HEY2: variants seen among roughly 807,000 people sequenced by gnomAD.
HEY2 encodes hairy/enhancer-of-split related with YRPW motif protein 2.
A neutral mutation model predicts 18.1 loss-of-function variants in HEY2; 10 were observed. The observed-to-expected ratio is 0.55, with a 90% CI of 0.34 to 0.94. The LOEUF (loss-of-function observed/expected upper bound fraction) is 0.94, where lower values mean the gene tolerates loss of function less well. Ranked by LOEUF, HEY2 falls within the 40% of genes least tolerant of loss-of-function variation. The probability of loss-of-function intolerance (pLI) is 0.02; values close to 1 mark genes in which losing one functional copy is unlikely to be tolerated. For missense variants in HEY2, 455 were observed against 455.9 expected, an observed-to-expected ratio of 1.00 and a Z score of 0.02; for synonymous variants, 210 against 182.7, an observed-to-expected ratio of 1.15 and a Z score of -1.21.
At chr6:125,750,590 CAA>C (rs1184945078) in intron 1 of HEY2, among the ~76,000 whole-genome samples, 1 of 152,192 alleles carries the variant, frequency 6.6e-6, no homozygotes, top group Non-Finnish European at 1.5e-5. Context: ...AGCTGTCACT[CAA>C]AGAGGGAAAT....
intron 1 of HEY2, chr6:125,750,315 A>G (rs1272471599): frequency 2.1e-5 from 21 of 985,222 alleles, no homozygotes; most frequent in South Asian, 1.9e-4. Flanking sequence ...TGCGATGTCA[A>G]GGCTACGTAG....
chr6:125,750,323 T>C (rs1409420476), intron 1 of HEY2: 2 of 985,260 alleles, frequency 2.0e-6, no homozygotes, highest in African/African-American at 3.5e-5. Context: ...CAAGGCTACG[T>C]AGGTTGAACT....
intron 4 of HEY2, 91 bp downstream of exon 4, chr6:125,754,637 C>A: frequency 1.6e-6 from 1 of 617,104 alleles, no homozygotes; most frequent in Non-Finnish European, 2.7e-6. Flanking sequence ...GAAGTCATAG[C>A]TGAACAGTTC....
intron 3 of HEY2, among the ~76,000 whole-genome samples, chr6:125,753,432 C>T (rs1773589976): frequency 6.6e-6 from 1 of 152,034 alleles, no homozygotes; most frequent in Admixed American, 6.5e-5. Context: ...TGAGTTGGCC[C>T]TGTCACAATA....
At position 125,754,557 on chromosome 6, in the gene HEY2, G is replaced by A. The variant is rs754599347; in HGVS notation, c.328+11G>A. 42 of 1,419,640 alleles carry A rather than the reference G, an allele frequency of 3.0e-5. No individual in the cohort carries two copies. The highest frequency in any genetic ancestry group is 4.8e-5 in the African/African-American group (3 of 62,828). The allele number at this position is 1,419,640 out of a possible 1,614,324, so 87.9% of individuals were successfully genotyped here. A position where few individuals can be genotyped will look rare whatever the true frequency, so the allele number is the denominator to read the frequency against. On this transcript the variant is annotated intron_variant, in intron 4 of 4. Coordinates refer to ENST00000368364, the MANE Select transcript of HEY2 (RefSeq NM_012259.3). Reference sequence around the variant, plus strand: ...CAACAGGGGGTAAAGGTAAGTAGATGACTTCATTTTTTTTTTTTTTTGCCT... The same window carrying A: ...CAACAGGGGGTAAAGGTAAGTAGATAACTTCATTTTTTTTTTTTTTTGCCT...
intron 4 of HEY2, 35 bp downstream of exon 4, chr6:125,754,581 C>CT: frequency 9.8e-7 from 1 of 1,023,026 alleles, no homozygotes; most frequent in Non-Finnish European, 1.4e-6. Flanking sequence ...TTTTTTTTGC[C>CT]TTTTTTACCT....
Position 125,759,469 on chromosome 6 carries a change from C to T in HEY2, c.681C>T (p.Leu227=). 2 of 1,611,656 alleles carry T rather than the reference C, an allele frequency of 1.2e-6. No homozygotes were observed. Among genetic ancestry groups the T allele is most frequent in the Non-Finnish European group, 1.7e-6 (2 of 1,179,986 alleles). ...EVPPAHGSAL[L]TATFAHADSA... Reference sequence around the variant, plus strand: ...CTCCTGCCCACGGCTCTGCTCTCCTCACGGCCACGTTTGCCCATGCGGATT... The same window carrying T: ...CTCCTGCCCACGGCTCTGCTCTCCTTACGGCCACGTTTGCCCATGCGGATT... Residue 227 remains leucine, a synonymous_variant, in exon 5 of 5, where the codon CTC becomes CTT. Transcript: ENST00000368364.
In HEY2 at chr6:125,759,945, G is replaced by A. The variant is rs539861333; in HGVS notation, c.*143G>A. 16 of 696,960 alleles carry A rather than the reference G, an allele frequency of 2.3e-5. No homozygotes were observed. The African/African-American group carries it at 2.3e-4, about 10-fold the overall frequency. The allele number at this position is 696,960 out of a possible 1,614,324, so 43.2% of individuals were successfully genotyped here. ...AAGCTATTTGAGACACAAACCTCAC[G>A]AGTGGAAATGTGGTATTCTCTTTTT... On this transcript the variant is annotated 3_prime_UTR_variant, in exon 5 of 5. Coordinates refer to ENST00000368364, the MANE Select transcript of HEY2 (RefSeq NM_012259.3).
chr6:125,750,356 T>C, intron 1 of HEY2: 1 of 985,472 alleles, frequency 1.0e-6, no homozygotes, highest in South Asian at 4.7e-5. Flanking sequence ...CGTGTGTGAC[T>C]TGGCTAACGC....
At chr6:125,752,223 C>A in intron 3 of HEY2, 133 bp downstream of exon 3, 1 of 617,324 alleles carries the variant, frequency 1.6e-6, no homozygotes, top group East Asian at 2.7e-5. Flanking sequence ...GTGTATGTGC[C>A]CTGATCTGGC....
At chr6:125,758,895 T>C (rs1204631277) in intron 4 of HEY2, among the ~76,000 whole-genome samples, 3 of 152,226 alleles carry the variant, frequency 2.0e-5, no homozygotes, top group African/African-American at 4.8e-5. Context: ...TTGCCAGAGT[T>C]GTCACACATG....
In HEY2 at chr6:125,759,171, A is replaced by T; in HGVS notation, c.383A>T (p.Glu128Val). 6.2e-7 allele frequency: 1 copy of T among 1,613,502 alleles called. No homozygotes were observed. The highest frequency in any genetic ancestry group is 8.5e-7 in the Non-Finnish European group (1 of 1,179,866). The change falls in exon 5 of 5, where the codon GAG (glutamate) becomes GTG (valine). Residue 128 changes from glutamate (E) to valine (V), a missense_variant. Glu to Val is a moderately radical substitution (Grantham distance 121, BLOSUM62 -2). Coordinates refer to ENST00000368364, the MANE Select transcript of HEY2 (RefSeq NM_012259.3). ...AMDFMSIGFR[E>V]CLTEVARYLS... ...GACTTCATGAGCATAGGATTCCGAG[A>T]GTGCCTAACAGAAGTTGCGCGGTAC...
intron 4 of HEY2, among the ~76,000 whole-genome samples, chr6:125,757,084 T>C (rs1562709949): frequency 6.6e-6 from 1 of 152,238 alleles, no homozygotes; most frequent in Non-Finnish European, 1.5e-5. Flanking sequence ...TTAGAAGCTC[T>C]TGGGGCTCCA....
At position 125,759,423 on chromosome 6, in the gene HEY2, T is replaced by C. The variant is rs1388886532; in HGVS notation, c.635T>C (p.Leu212Pro). The change falls in exon 5 of 5, where the codon CTC becomes CCC. Residue 212 changes from leucine to proline, a missense_variant. By Grantham distance (98) the Leu-to-Pro change is moderately conservative. Transcript: ENST00000368364. ...LHASESTPCR[L>P]STTSEVPPAH... ...GCCTCAGAGTCAACCCCTTGTCGCCTCTCCACAACTTCAGAAGTGCCTCCT... is the reference window on the plus strand; with the variant it reads ...GCCTCAGAGTCAACCCCTTGTCGCCCCTCCACAACTTCAGAAGTGCCTCCT... 1.2e-6 allele frequency: 2 copies of C among 1,611,584 alleles called. No homozygotes were observed. The highest frequency in any genetic ancestry group is 4.5e-5 in the East Asian group (2 of 44,868).
intron 1 of HEY2, among the ~76,000 whole-genome samples, chr6:125,751,091 G>T (rs1469075116): frequency 1.3e-5 from 2 of 152,090 alleles, no homozygotes; most frequent in Non-Finnish European, 2.9e-5. Context: ...GCAGCTTCTG[G>T]AGATTTAAGC....
At chr6:125,750,810 GA>G (rs1168044890) in intron 1 of HEY2, among the ~76,000 whole-genome samples, 1 of 152,194 alleles carries the variant, frequency 6.6e-6, no homozygotes, top group Non-Finnish European at 1.5e-5. Flanking sequence ...AAGAAGGGGT[GA>G]AAATGAGGGG....
chr6:125,758,970 T>C, intron 4 of HEY2, 147 bp from the exon 5 acceptor site: 1 of 589,312 alleles, frequency 1.7e-6, no homozygotes, highest in Non-Finnish European at 2.8e-6. Flanking sequence ...CTGGCAATAT[T>C]TCCAGAAAGG....
At chr6:125,754,587 T>G (rs1428718073) in intron 4 of HEY2, 41 bp downstream of exon 4, 20 of 1,103,968 alleles carry the variant, frequency 1.8e-5, no homozygotes, top group Non-Finnish European at 2.5e-5. Flanking sequence ...TTGCCTTTTT[T>G]ACCTTTCTCT....
chr6:125,751,711 C>G lies in HEY2; in HGVS notation c.84-90C>G, dbSNP rs112780587. On this transcript the variant is annotated intron_variant, in intron 1 of 4. Coordinates refer to ENST00000368364, the MANE Select transcript of HEY2 (RefSeq NM_012259.3). ...ATAACACAGACTTGAACTGTGCAATCACTCTGAATATTTAATGGGTGCCAC... is the reference window on the plus strand; with the variant it reads ...ATAACACAGACTTGAACTGTGCAATGACTCTGAATATTTAATGGGTGCCAC... 8.4e-3 allele frequency: 6,933 copies of G among 820,602 alleles called. 120 individuals carry two copies. The highest frequency in any genetic ancestry group is 0.057 in the East Asian group (2,316 of 40,862). 50.8% of individuals were successfully genotyped at this position (820,602 alleles called of 1,614,324 possible). A position where few individuals can be genotyped will look rare whatever the true frequency, so the allele number is the denominator to read the frequency against.
Sources: allele counts gnomAD v4.1 joint callset (sites outside exome capture counted in the v4.1 genomes callset), GRCh38; gene constraint gnomAD v4.1.1; transcripts MANE v1.5; gene names NCBI Gene and HGNC (gene_info 2026-07-23, HGNC 2026-07-21).